The following NTNG2 variants were observed in gnomAD, a reference collection of about 807,000 sequenced individuals.
NTNG2 encodes netrin G2, also known as netrin-G2.
A neutral mutation model predicts 47.6 loss-of-function variants in NTNG2; 15 were observed. The observed-to-expected ratio is 0.32, with a 90% CI of 0.21 to 0.49. NTNG2 has a LOEUF of 0.49. Ranked by LOEUF, NTNG2 falls within the 20% of genes least tolerant of loss-of-function variation. The probability of loss-of-function intolerance (pLI) is 0.99; values close to 1 mark genes in which losing one functional copy is unlikely to be tolerated. For synonymous variants in NTNG2, 307 were observed against 324.6 expected, an observed-to-expected ratio of 0.95 and a Z score of 0.58; for missense variants, 578 against 764.6, an observed-to-expected ratio of 0.76 and a Z score of 2.88.
intron 3 of NTNG2, among the ~76,000 whole-genome samples, chr9:132,222,425 A>G (rs1257350237): frequency 6.6e-6 from 1 of 152,234 alleles, no homozygotes; most frequent in Non-Finnish European, 1.5e-5. Context: ...CCAGGGAAAG[A>G]GTGAACAGGC....
intron 3 of NTNG2, among the ~76,000 whole-genome samples, chr9:132,225,820 A>T (rs1840711961): frequency 6.6e-6 from 1 of 151,932 alleles, no homozygotes; most frequent in Non-Finnish European, 1.5e-5. Context: ...TTCCGTATCA[A>T]TTTTTTCTCC....
intron 2 of NTNG2, among the ~76,000 whole-genome samples, chr9:132,176,570 A>G (rs769317562): frequency 1.2e-4 from 18 of 152,122 alleles, no homozygotes; most frequent in Admixed American, 3.3e-4. Flanking sequence ...GACACACCAT[A>G]TTTTGTGTAT....
intron 2 of NTNG2, among the ~76,000 whole-genome samples, chr9:132,191,536 T>C (rs1837885883): frequency 6.7e-6 from 1 of 148,876 alleles, no homozygotes; most frequent in Non-Finnish European, 1.5e-5. Context: ...CCCAAAACTG[T>C]ATGGAAAATG....
In NTNG2 at chr9:132,163,996, T is replaced by C. The variant is rs1835301739; in HGVS notation, c.-484+1757T>C. On this transcript the variant is annotated intron_variant, in intron 1 of 7. Transcript: ENST00000393229. The surrounding 1 kb of genome is among the most constrained non-coding windows in gnomAD (Gnocchi z 7.2). ...AACGATCCTCCGGGATGCAGCTTCT[T>C]ACTCTGAAAATTTCCCTGCCGACTC... Among the ~76,000 whole-genome samples, 1 of 152,130 alleles carries C rather than the reference T, an allele frequency of 6.6e-6. No homozygotes were observed. Among genetic ancestry groups the C allele is most frequent in the Non-Finnish European group, 1.5e-5 (1 of 68,026 alleles).
chr9:132,239,301 C>T (rs772684331), intron 6 of NTNG2, 30 bp downstream of exon 6: 7 of 1,612,162 alleles, frequency 4.3e-6, no homozygotes, highest in Non-Finnish European at 5.1e-6. Flanking sequence ...GCACAGGGAA[C>T]TTGCTGGAAT....
chr9:132,224,753 T>G (rs2130920914), intron 3 of NTNG2, among the ~76,000 whole-genome samples: 1 of 152,370 alleles, frequency 6.6e-6, no homozygotes, highest in Non-Finnish European at 1.5e-5. Context: ...TCTCTTTCAC[T>G]TTTTATTATG....
chr9:132,220,738 G>A (rs888146461), intron 3 of NTNG2, among the ~76,000 whole-genome samples: 32 of 152,074 alleles, frequency 2.1e-4, no homozygotes, highest in African/African-American at 6.0e-4. Context: ...GTGAGCCACC[G>A]CACCTGGCTC....
At chr9:132,227,132 T>C (rs1370661288) in intron 4 of NTNG2, 111 bp downstream of exon 4, 4 of 1,176,480 alleles carry the variant, frequency 3.4e-6, no homozygotes, top group Non-Finnish European at 3.5e-6. Flanking sequence ...CACAGGCACA[T>C]ACGTGTGCAC....
intron 5 of NTNG2, chr9:132,233,288 C>G (rs1253366192): frequency 6.6e-6 from 1 of 152,324 alleles, no homozygotes; most frequent in Non-Finnish European, 1.5e-5. Context: ...CACACATGCA[C>G]ACACACACAT....
rs550942277 is a variant in NTNG2, at chr9:132,236,237, G to C, written c.1055-2867G>C. ...GGCCGCAGGGCCAGCCGGGGCAAAG[G>C]CTTGGCAGTGGGATGGCAGGGAGCC... is the stretch of plus-strand genomic sequence containing the variant. On this transcript the variant is annotated intron_variant, in intron 5 of 7. Transcript: ENST00000393229. The surrounding 1 kb of genome is among the most constrained non-coding windows in gnomAD (Gnocchi z 4.3). Among the ~76,000 whole-genome samples the C allele has an allele frequency of 1.3e-5, 2 of 152,348 alleles. No homozygotes were observed. The highest frequency in any genetic ancestry group is 6.5e-5 in the Admixed American group (1 of 15,308).
intron 2 of NTNG2, among the ~76,000 whole-genome samples, chr9:132,184,368 G>T (rs898357248): frequency 6.6e-6 from 1 of 152,200 alleles, no homozygotes; most frequent in Admixed American, 6.5e-5. Flanking sequence ...GCTGTGTCAG[G>T]CTCCGCCCCT....
intron 3 of NTNG2, among the ~76,000 whole-genome samples, chr9:132,201,703 C>T (rs1353356967): frequency 1.3e-5 from 2 of 152,232 alleles, no homozygotes. Flanking sequence ...AAACGTTTAT[C>T]GAGCATTTGC....
intron 3 of NTNG2, among the ~76,000 whole-genome samples, chr9:132,202,010 G>A (rs946859345): frequency 6.6e-6 from 1 of 152,206 alleles, no homozygotes; most frequent in African/African-American, 2.4e-5. Context: ...ACACAAGCAT[G>A]TCCAGGCTCA....
chr9:132,200,177 G>A (rs888008688), intron 3 of NTNG2, among the ~76,000 whole-genome samples: 1 of 152,172 alleles, frequency 6.6e-6, no homozygotes, highest in African/African-American at 2.4e-5. Context: ...TAAAAAAATT[G>A]GACAAAATAA....
At chr9:132,203,045 G>A (rs184673072) in intron 3 of NTNG2, among the ~76,000 whole-genome samples, 14 of 152,088 alleles carry the variant, frequency 9.2e-5, no homozygotes, top group African/African-American at 3.1e-4. Flanking sequence ...AGAGGGAAGT[G>A]GGGGAGGCTT....
intron 3 of NTNG2, among the ~76,000 whole-genome samples, chr9:132,200,650 G>C (rs11788572): frequency 0.29 from 44,004 of 152,020 alleles, 6,689 homozygotes; most frequent in East Asian, 0.36. Context: ...CACTTTGACG[G>C]TGTGTGTGGA....
intron 5 of NTNG2, 193 bp from the exon 6 acceptor site, chr9:132,238,911 G>A: frequency 3.0e-6 from 2 of 670,076 alleles, no homozygotes; most frequent in Admixed American, 2.5e-5. Flanking sequence ...TCTCCTCTGG[G>A]CTCAAAGCAG....
At chr9:132,241,584 C>A (rs913956951) in intron 7 of NTNG2, 2 of 418,350 alleles carry the variant, frequency 4.8e-6, no homozygotes, top group Non-Finnish European at 8.6e-6. Flanking sequence ...GCTCCAGGCG[C>A]GTGGAACAGC....
chr9:132,175,121 G>A (rs1836324862), intron 2 of NTNG2, among the ~76,000 whole-genome samples: 2 of 151,920 alleles, frequency 1.3e-5, no homozygotes, highest in African/African-American at 2.4e-5. Context: ...CAGGGAAGGG[G>A]GCCAGGTGAT....
Sources: gnomAD v4.1 joint callset for allele counts (sites outside exome capture counted in the v4.1 genomes callset) on GRCh38, gnomAD v4.1.1 for gene constraint, Gnocchi (gnomAD v3.1) non-coding constraint, MANE v1.5 for transcripts, NCBI Gene and HGNC (gene_info 2026-07-23, HGNC 2026-07-21) for gene names.